Variants in NRCAM observed in about 807,000 individuals in gnomAD.
NRCAM encodes NgCAM-related cell adhesion molecule.
NRCAM carries 83 observed loss-of-function variants against 156.5 expected under a neutral mutation model. The observed-to-expected ratio is 0.53, with a 90% CI of 0.44 to 0.64. The LOEUF (loss-of-function observed/expected upper bound fraction) is 0.64. NRCAM is among the 30% of genes least tolerant of loss of function. NRCAM has a pLI of 0.00. For missense variants in NRCAM, 1,417 were observed against 1,597.3 expected, an observed-to-expected ratio of 0.89 and a Z score of 1.92; for synonymous variants, 538 against 563.9, an observed-to-expected ratio of 0.95 and a Z score of 0.65.
At chr7:108,250,651 A>C (rs115207803) in intron 3 of NRCAM, among the ~76,000 whole-genome samples, 3,253 of 142,436 alleles carry the variant, frequency 0.023, 119 homozygotes, top group African/African-American at 0.077. Flanking sequence ...TATTAGGTAC[A>C]AAAAAAAAAA....
chr7:108,166,437 G>A (rs1206133872), intron 30 of NRCAM, among the ~76,000 whole-genome samples: 9 of 151,692 alleles, frequency 5.9e-5, no homozygotes, highest in South Asian at 2.1e-4. Context: ...TAGTAGAGAC[G>A]GGGTTTCATC....
chr7:108,406,240 AATG>A (rs1432161808), intron 1 of NRCAM, among the ~76,000 whole-genome samples: 6 of 152,150 alleles, frequency 3.9e-5, no homozygotes, highest in Non-Finnish European at 8.8e-5. Flanking sequence ...GGAGAAATAG[AATG>A]ATAACTTTAG....
intron 2 of NRCAM, among the ~76,000 whole-genome samples, chr7:108,342,983 A>C (rs544510556): frequency 9.7e-4 from 148 of 152,356 alleles, no homozygotes; most frequent in Non-Finnish European, 1.6e-3. Context: ...GGCAATGAAG[A>C]AAAGATATAA....
At chr7:108,307,904 C>T (rs1367622588) in intron 3 of NRCAM, among the ~76,000 whole-genome samples, 1 of 152,136 alleles carries the variant, frequency 6.6e-6, no homozygotes, top group Non-Finnish European at 1.5e-5. Flanking sequence ...GATAAAATAC[C>T]CGCAGAACCT....
At chr7:108,431,224 T>G (rs933838215) in intron 1 of NRCAM, among the ~76,000 whole-genome samples, 3 of 152,176 alleles carry the variant, frequency 2.0e-5, no homozygotes, top group African/African-American at 4.8e-5. Flanking sequence ...CATGGCAGAC[T>G]GATCTCCAGC....
intron 3 of NRCAM, among the ~76,000 whole-genome samples, chr7:108,267,482 A>C (rs1231724522): frequency 6.6e-6 from 1 of 152,254 alleles, no homozygotes; most frequent in Non-Finnish European, 1.5e-5. Context: ...ATGTAAATAT[A>C]AATAATGATG....
chr7:108,392,014 C>T (rs553481805), intron 2 of NRCAM, among the ~76,000 whole-genome samples: 1 of 152,256 alleles, frequency 6.6e-6, no homozygotes, highest in East Asian at 1.9e-4. Context: ...ACCTTTTTTC[C>T]TTCATTTCAA....
At chr7:108,265,082 T>C (rs1417390996) in intron 3 of NRCAM, among the ~76,000 whole-genome samples, 2 of 152,176 alleles carry the variant, frequency 1.3e-5, no homozygotes, top group Admixed American at 6.5e-5. Context: ...TTCTGAAAGA[T>C]GTTCAGAGCT....
chr7:108,171,213 A>G (rs566924986), intron 28 of NRCAM, among the ~76,000 whole-genome samples: 4 of 152,252 alleles, frequency 2.6e-5, no homozygotes, highest in East Asian at 3.9e-4. Context: ...GCCTCGCCCA[A>G]CTGTAAGTCT....
At chr7:108,429,982 G>A (rs1236273204) in intron 1 of NRCAM, among the ~76,000 whole-genome samples, 1 of 149,742 alleles carries the variant, frequency 6.7e-6, no homozygotes, top group Non-Finnish European at 1.5e-5. Context: ...AACAGACCTA[G>A]GGAAAGAAGG....
chr7:108,446,087 C>T (rs918436429), intron 1 of NRCAM, among the ~76,000 whole-genome samples: 2 of 152,140 alleles, frequency 1.3e-5, no homozygotes, highest in African/African-American at 2.4e-5. Flanking sequence ...CAGCTTCAGA[C>T]AGTGAAGGGA....
chr7:108,169,272 A>C (rs2056981597), intron 28 of NRCAM, among the ~76,000 whole-genome samples: 1 of 152,214 alleles, frequency 6.6e-6, no homozygotes, highest in African/African-American at 2.4e-5. Context: ...TGTTATTTGA[A>C]TACCTGAGGC....
At chr7:108,403,859 C>A (rs1230329770) in intron 1 of NRCAM, among the ~76,000 whole-genome samples, 1 of 152,168 alleles carries the variant, frequency 6.6e-6, no homozygotes, top group Non-Finnish European at 1.5e-5. Flanking sequence ...ATCGGTATCC[C>A]CTTGCCAAAG....
At chr7:108,188,322 G>A (rs916636731) in intron 20 of NRCAM, among the ~76,000 whole-genome samples, 2 of 152,112 alleles carry the variant, frequency 1.3e-5, no homozygotes, top group Non-Finnish European at 2.9e-5. Context: ...AGCAGATGGA[G>A]GCTGTGGGTT....
At chr7:108,389,607 TGA>T (rs1318248672) in intron 2 of NRCAM, among the ~76,000 whole-genome samples, 10 of 152,210 alleles carry the variant, frequency 6.6e-5, no homozygotes, top group Non-Finnish European at 1.2e-4. Context: ...ATAGGAGTGG[TGA>T]GAGAGGGTAT....
intron 30 of NRCAM, among the ~76,000 whole-genome samples, chr7:108,164,547 C>CGAGAGGAGAG (rs1554491789): frequency 2.1e-5 from 3 of 145,736 alleles, no homozygotes; most frequent in Admixed American, 2.0e-4. Context: ...ACCGCGGAAC[C>CGAGAGGAGAG]GAGAGGAGAG....
intron 13 of NRCAM, among the ~76,000 whole-genome samples, chr7:108,198,896 G>A (rs762389108): frequency 1.3e-5 from 2 of 152,190 alleles, no homozygotes; most frequent in Non-Finnish European, 2.9e-5. Context: ...GAATAGAACT[G>A]GCTGGGTAAC....
intron 2 of NRCAM, among the ~76,000 whole-genome samples, chr7:108,335,461 A>ATTTTTTTTTTT (rs2099173387): frequency 1.2e-4 from 3 of 25,548 alleles, no homozygotes; most frequent in Admixed American, 3.8e-4. Context: ...TTTTTTTTTC[A>ATTTTTTTTTTT]GTTTTCACTG....
chr7:108,182,676 A>G lies in NRCAM; in HGVS notation c.2530+19T>C. On this transcript the variant is annotated intron_variant, in intron 23 of 32. Coordinates refer to ENST00000379028, the MANE Select transcript of NRCAM (RefSeq NM_001037132.4). ...TAAGTCTGTTTTGCTGGGGAAAAGTAGGAAATGGCATCACTTACGGTCTTC... is the reference window on the plus strand; with the variant it reads ...TAAGTCTGTTTTGCTGGGGAAAAGTGGGAAATGGCATCACTTACGGTCTTC... 6.2e-7 allele frequency: 1 copy of G among 1,606,022 alleles called. No homozygotes were observed. Among genetic ancestry groups the G allele is most frequent in the Non-Finnish European group, 8.5e-7 (1 of 1,173,152 alleles).
Sources: gnomAD v4.1 joint callset for allele counts (sites outside exome capture counted in the v4.1 genomes callset) on GRCh38, gnomAD v4.1.1 for gene constraint, MANE v1.5 for transcripts, NCBI Gene and HGNC (gene_info 2026-07-23, HGNC 2026-07-21) for gene names.